The following COL11A2 variants were observed in gnomAD, a reference collection of about 807,000 sequenced individuals.
The protein encoded by COL11A2 is collagen alpha-2(XI) chain.
COL11A2 carries 116 observed loss-of-function variants against 273.4 expected under a neutral mutation model. That is an observed-to-expected ratio of 0.42 (90% CI 0.36 to 0.49). The LOEUF (loss-of-function observed/expected upper bound fraction) is 0.49, where lower values mean the gene tolerates loss of function less well. Ranked by LOEUF, COL11A2 falls within the 20% of genes least tolerant of loss-of-function variation. COL11A2 has a pLI of 0.00. For synonymous variants in COL11A2, 782 were observed against 864.2 expected, an observed-to-expected ratio of 0.90 and a Z score of 1.67; for missense variants, 1,866 against 2,309.0, an observed-to-expected ratio of 0.81 and a Z score of 3.93.
chr6:33,173,112 C>A lies in COL11A2; in HGVS notation c.2738G>T (p.Gly913Val). ...AGGGGGGCCGGTCTTCCCTTGGAAACCCTAGGCGAGGAAGAGAGGAGAATG... is the reference window on the plus strand; with the variant it reads ...AGGGGGGCCGGTCTTCCCTTGGAAAACCTAGGCGAGGAAGAGAGGAGAATG... ...PGHPGQRGEV[G>V]FQGKTGPPGP... Residue 913 changes from glycine (G) to valine (V), a missense_variant and splice_region_variant, in exon 38 of 66, where the codon GGT becomes GTT. Gly to Val is a moderately radical substitution (Grantham distance 109). Transcript: ENST00000341947. The surrounding 1 kb of genome is among the most constrained non-coding windows in gnomAD (Gnocchi z 6.3). 6.2e-7 allele frequency: 1 copy of A among 1,611,742 alleles called. No homozygotes were observed. Among genetic ancestry groups the A allele is most frequent in the Non-Finnish European group, 8.5e-7 (1 of 1,179,470 alleles).
At chr6:33,180,141 T>C (rs1323407047) in intron 12 of COL11A2, 117 bp downstream of exon 12, 1 of 1,103,026 alleles carries the variant, frequency 9.1e-7, no homozygotes, top group Non-Finnish European at 1.4e-6. Flanking sequence ...GGAGTGATGA[T>C]CTTTGATGAT....
chr6:33,177,357 TG>T lies in COL11A2; in HGVS notation c.1971+54del. On this transcript the variant is annotated intron_variant, in intron 23 of 65. Coordinates refer to ENST00000341947, the MANE Select transcript of COL11A2 (RefSeq NM_080680.3). This position sits in a 1 kb window ranked among gnomAD's most constrained non-coding sequence, Gnocchi z 5.9. ...TATCCTTCCAGGGTCTCACCCATTG[TG>T]GAAGCCCAAGGGAAGTCATGAAAAT... 1 of 1,607,986 alleles carries T rather than the reference TG, an allele frequency of 6.2e-7. No homozygotes were observed.
intron 10 of COL11A2, 69 bp downstream of exon 10, chr6:33,180,895 A>G: frequency 1.3e-6 from 2 of 1,593,808 alleles, no homozygotes; most frequent in South Asian, 2.2e-5. Context: ...ATATGTGGGG[A>G]AGGCTCAGAT....
intron 45 of COL11A2, 92 bp from the exon 46 acceptor site, chr6:33,171,009 C>G: frequency 6.3e-7 from 1 of 1,578,328 alleles, no homozygotes; most frequent in Non-Finnish European, 8.7e-7. Context: ...CAGCTGGGTG[C>G]CAGGCCCAGA....
Position 33,179,436 on chromosome 6 carries a change from G to A in COL11A2, c.1498C>T (p.Pro500Ser), listed in dbSNP as rs747029402. ...CGAGCACCCTGCTCACTCACCAAGG[G>A]TCCAGGGCGCCCTGTGTATCCCATG... ...GPMGYTGRPG[P>S]LGQPGSPGLK... is the part of the protein sequence containing the mutation. The change falls in exon 14 of 66, where the codon CCC (proline) becomes TCC (serine). Residue 500 changes from proline (P) to serine (S), a missense_variant. Physicochemically the swap from Pro to Ser is moderately conservative, Grantham distance 74. Coordinates refer to ENST00000341947, the MANE Select transcript of COL11A2 (RefSeq NM_080680.3). This position sits in a 1 kb window ranked among gnomAD's most constrained non-coding sequence, Gnocchi z 6.4. 7.4e-5 allele frequency: 116 copies of A among 1,569,436 alleles called. 1 individual carries two copies. The highest frequency in any genetic ancestry group is 9.4e-5 in the South Asian group (8 of 85,448).
Position 33,169,871 on chromosome 6 carries a change from T to C in COL11A2, c.3650A>G (p.Glu1217Gly). The C allele has an allele frequency of 6.2e-7, 1 of 1,614,076 alleles. No individual in the cohort carries two copies. The highest frequency in any genetic ancestry group is 8.5e-7 in the Non-Finnish European group (1 of 1,180,014). ...GCCCTGGATCCCTGGAGATCCTGACTCTCCTGGTTCCCCCTGCAAAGAGAT... is the reference window on the plus strand; with the variant it reads ...GCCCTGGATCCCTGGAGATCCTGACCCTCCTGGTTCCCCCTGCAAAGAGAT... ...GPPGEKGEPG[E>G]SGSPGIQGEP... The change falls in exon 50 of 66, where the codon GAG (glutamate) becomes GGG (glycine). Residue 1217 changes from glutamate (E) to glycine (G), a missense_variant. By Grantham distance (98) the Glu-to-Gly change is moderately conservative (BLOSUM62 -2). Coordinates refer to ENST00000341947, the MANE Select transcript of COL11A2 (RefSeq NM_080680.3). This position sits in a 1 kb window ranked among gnomAD's most constrained non-coding sequence, Gnocchi z 5.5.
chr6:33,176,812 C>A lies in COL11A2; in HGVS notation c.2071-47G>T. 6.3e-7 allele frequency: 1 copy of A among 1,593,868 alleles called. No homozygotes were observed. ...TGTGACCAGTGGCCCCTGTCACCCTCTCTGCACCCCTCCCTACACTTCTTC... is the reference window on the plus strand; with the variant it reads ...TGTGACCAGTGGCCCCTGTCACCCTATCTGCACCCCTCCCTACACTTCTTC... On this transcript the variant is annotated intron_variant, in intron 25 of 65. Transcript: ENST00000341947. The surrounding 1 kb of genome is among the most constrained non-coding windows in gnomAD (Gnocchi z 4.9).
At chr6:33,186,489 C>A in intron 5 of COL11A2, 138 bp downstream of exon 5, 1 of 1,510,220 alleles carries the variant, frequency 6.6e-7, no homozygotes, top group Middle Eastern at 2.1e-4. Context: ...AATAAAAAGG[C>A]TGATGAATGA....
Position 33,169,826 on chromosome 6 carries a change from C to T in COL11A2, c.3690+5G>A, listed in dbSNP as rs1769771014. On this transcript the variant is annotated splice_donor_5th_base_variant and intron_variant, in intron 50 of 65. Coordinates refer to ENST00000341947, the MANE Select transcript of COL11A2 (RefSeq NM_080680.3). This position sits in a 1 kb window ranked among gnomAD's most constrained non-coding sequence, Gnocchi z 5.5. ...GGGGAGTAAGGCCTTGGAGCTGTCA[C>T]TCACCTTGACACCTGGCTCGCCCTG... 1.2e-6 allele frequency: 2 copies of T among 1,614,090 alleles called. No individual in the cohort carries two copies. The highest frequency in any genetic ancestry group is 1.1e-5 in the South Asian group (1 of 91,086).
In COL11A2 at chr6:33,171,712, C is replaced by T; in HGVS notation, c.3150+1G>A. ...CCCCTCCCCAATACCCCCACACTCA[C>T]TGGGACACCTTTCTCTCCTGCTGCT... On this transcript the variant is annotated splice_donor_variant, in intron 42 of 65. Transcript: ENST00000341947. LOFTEE classifies it high-confidence loss of function. The T allele has an allele frequency of 6.2e-7, 1 of 1,612,752 alleles. No individual in the cohort carries two copies. Among genetic ancestry groups the T allele is most frequent in the Non-Finnish European group, 8.5e-7 (1 of 1,179,846 alleles).
chr6:33,179,811 G>A lies in COL11A2; in HGVS notation c.1360-6C>T. 6.2e-7 allele frequency: 1 copy of A among 1,610,184 alleles called. No homozygotes were observed. Among genetic ancestry groups the A allele is most frequent in the Non-Finnish European group, 8.5e-7 (1 of 1,179,690 alleles). Reference sequence around the variant, plus strand: ...CCACCACTGCCAAACCGGAACTGAGGTCAAGGAGAGAAGGTCCAGGTTCTC... The same window carrying A: ...CCACCACTGCCAAACCGGAACTGAGATCAAGGAGAGAAGGTCCAGGTTCTC... On this transcript the variant is annotated splice_region_variant and splice_polypyrimidine_tract_variant and intron_variant, in intron 12 of 65. Transcript: ENST00000341947. The surrounding 1 kb of genome is among the most constrained non-coding windows in gnomAD (Gnocchi z 6.4).
chr6:33,192,891 C>A (rs1315550757), upstream of COL11A2, among the ~76,000 whole-genome samples: 1 of 152,102 alleles, frequency 6.6e-6, no homozygotes, highest in Non-Finnish European at 1.5e-5. Context: ...TTCCCTCACC[C>A]CGCCCCGTGT....
intron 8 of COL11A2, 35 bp from the exon 9 acceptor site, chr6:33,181,205 C>T (rs1337647971): frequency 1.2e-6 from 2 of 1,609,892 alleles, no homozygotes; most frequent in East Asian, 2.2e-5. Context: ...CCAGTGGGGC[C>T]CGTGAGCAGC....
Position 33,164,196 on chromosome 6 carries a change from GGGGT to G in COL11A2, c.5070+67_5070+70del. On this transcript the variant is annotated intron_variant, in intron 65 of 65. Coordinates refer to ENST00000341947, the MANE Select transcript of COL11A2 (RefSeq NM_080680.3). The surrounding 1 kb of genome is among the most constrained non-coding windows in gnomAD (Gnocchi z 4.7). Reference sequence around the variant, plus strand: ...TGCTCCCCCTGGGTGCCCTGCCCAAGGGGTCTTCCCACCTCCTTCCTCCAGCCTG... The same window carrying G: ...TGCTCCCCCTGGGTGCCCTGCCCAAGCTTCCCACCTCCTTCCTCCAGCCTG... 7.7e-6 allele frequency: 12 copies of G among 1,565,542 alleles called. No homozygotes were observed. The South Asian group carries it at 1.4e-4, about 18-fold the overall frequency.
intron 29 of COL11A2, 56 bp from the exon 30 acceptor site, chr6:33,175,737 C>A: frequency 6.5e-7 from 1 of 1,544,142 alleles, no homozygotes; most frequent in Middle Eastern, 1.8e-4. Context: ...GCTCTGGGCC[C>A]AGAGGAGAAA....
In COL11A2 at chr6:33,170,696, C is replaced by T; in HGVS notation, c.3475-86G>A. 1.3e-6 allele frequency: 2 copies of T among 1,591,192 alleles called. No homozygotes were observed. The highest frequency in any genetic ancestry group is 1.7e-6 in the Non-Finnish European group (2 of 1,160,502). Reference sequence around the variant, plus strand: ...CAGATAGGCCCCACAGTCCCCTCCCCTCAGACTCCGCAGGCCCTCCAGTCT... The same window carrying T: ...CAGATAGGCCCCACAGTCCCCTCCCTTCAGACTCCGCAGGCCCTCCAGTCT... On this transcript the variant is annotated intron_variant, in intron 46 of 65. Coordinates refer to ENST00000341947, the MANE Select transcript of COL11A2 (RefSeq NM_080680.3). This position sits in a 1 kb window ranked among gnomAD's most constrained non-coding sequence, Gnocchi z 4.3.
chr6:33,190,671 A>G lies in COL11A2; in HGVS notation c.83-1202T>C, dbSNP rs371286784. ...CTTTGAGTCCAGGAGCCGGGAAACC[A>G]CGGCCTTCCCCCCCAACCCCCACCT... On this transcript the variant is annotated intron_variant, in intron 1 of 65. Transcript: ENST00000341947. The surrounding 1 kb of genome is among the most constrained non-coding windows in gnomAD (Gnocchi z 4.5). Among the ~76,000 whole-genome samples, 138 of 152,106 alleles carry G rather than the reference A, an allele frequency of 9.1e-4. 2 individuals are homozygous for G. The South Asian group carries it at 0.027, about 30-fold the overall frequency.
At chr6:33,180,387 T>C in intron 11 of COL11A2, 55 bp from the exon 12 acceptor site, 1 of 1,445,952 alleles carries the variant, frequency 6.9e-7, no homozygotes, top group Non-Finnish European at 9.7e-7. Context: ...GACATCAAGA[T>C]CTTAGCATGA....
chr6:33,177,416 G>C lies in COL11A2; in HGVS notation c.1967C>G (p.Thr656Ser). The change falls in exon 23 of 66, where the codon ACC becomes AGC. Residue 656 changes from threonine (T) to serine (S), a missense_variant. Coordinates refer to ENST00000341947, the MANE Select transcript of COL11A2 (RefSeq NM_080680.3). The surrounding 1 kb of genome is among the most constrained non-coding windows in gnomAD (Gnocchi z 5.9). ...GPPGQQGTPG[T>S]QGLPGPQGAI... Reference sequence around the variant, plus strand: ...CGGAGTAGGGGCACCGCTCACCTGGGTCCCAGGGGTGCCCTGTTGTCCAGG... The same window carrying C: ...CGGAGTAGGGGCACCGCTCACCTGGCTCCCAGGGGTGCCCTGTTGTCCAGG... The C allele has an allele frequency of 6.2e-7, 1 of 1,612,896 alleles. No homozygotes were observed. The highest frequency in any genetic ancestry group is 8.5e-7 in the Non-Finnish European group (1 of 1,179,940).
Sources: allele counts gnomAD v4.1 joint callset (sites outside exome capture counted in the v4.1 genomes callset), GRCh38; gene constraint gnomAD v4.1.1; non-coding constraint Gnocchi (gnomAD v3.1); transcripts MANE v1.5; gene names NCBI Gene and HGNC (gene_info 2026-07-23, HGNC 2026-07-21).